The following RFC3 variants were observed in gnomAD, a reference collection of about 807,000 sequenced individuals.
RFC3 encodes A1 38 kDa subunit.
A neutral mutation model predicts 45.1 loss-of-function variants in RFC3; 41 were observed. The observed-to-expected ratio is 0.91, with a 90% CI of 0.71 to 1.18. The LOEUF is 1.18. Ranked by LOEUF, RFC3 falls within the 50% of genes most tolerant of loss-of-function variation. The probability of loss-of-function intolerance (pLI) is 0.00; values close to 1 mark genes in which losing one functional copy is unlikely to be tolerated. For missense variants in RFC3, 423 were observed against 428.1 expected (o/e 0.99, Z 0.10); for synonymous variants, 149 against 144.0 (o/e 1.03, Z -0.25).
At chr13:33,882,999 C>T (rs1026865796) in intron 8 of RFC3, among the ~76,000 whole-genome samples, 1 of 152,190 alleles carries the variant, frequency 6.6e-6, no homozygotes, top group Non-Finnish European at 1.5e-5. Flanking sequence ...AGTTTGTTTA[C>T]ACATTCATGC....
chr13:33,928,317 T>G (rs2082828843), intron 8 of RFC3, among the ~76,000 whole-genome samples: 1 of 152,040 alleles, frequency 6.6e-6, no homozygotes, highest in Admixed American at 6.6e-5. Context: ...GGACATACAC[T>G]TATGTATTTA....
chr13:33,960,104 C>A (rs1487830700), intron 8 of RFC3, among the ~76,000 whole-genome samples: 3 of 152,036 alleles, frequency 2.0e-5, no homozygotes, highest in African/African-American at 7.3e-5. Flanking sequence ...GAGAAATCCA[C>A]CCCCATGATC....
chr13:33,970,718 G>A (rs1194353398), downstream of RFC3, among the ~76,000 whole-genome samples: 1 of 152,194 alleles, frequency 6.6e-6, no homozygotes, highest in Non-Finnish European at 1.5e-5. Flanking sequence ...GGGAACTCTG[G>A]GAAGCAACAC....
At chr13:33,916,223 C>T (rs1351109824) in intron 8 of RFC3, among the ~76,000 whole-genome samples, 1 of 152,170 alleles carries the variant, frequency 6.6e-6, no homozygotes. Flanking sequence ...TAGTGCACAT[C>T]TGAACTTTGG....
chr13:33,860,421 T>C (rs1232130935), intron 8 of RFC3, among the ~76,000 whole-genome samples: 2 of 152,094 alleles, frequency 1.3e-5, no homozygotes, highest in Non-Finnish European at 2.9e-5. Context: ...TACCTTTGAG[T>C]GCTCCAGATG....
downstream of RFC3, among the ~76,000 whole-genome samples, chr13:33,968,888 G>A (rs1327921360): frequency 6.6e-6 from 1 of 152,144 alleles, no homozygotes; most frequent in African/African-American, 2.4e-5. Context: ...CAAATTGACC[G>A]CATGGCAGCT....
At chr13:33,939,254 C>G (rs1305114264) in intron 8 of RFC3, among the ~76,000 whole-genome samples, 2 of 152,116 alleles carry the variant, frequency 1.3e-5, no homozygotes, top group Non-Finnish European at 2.9e-5. Context: ...CCACCTGAGT[C>G]TGTGCTAATG....
chr13:33,862,633 T>C (rs1033753152), intron 8 of RFC3, among the ~76,000 whole-genome samples: 1 of 152,202 alleles, frequency 6.6e-6, no homozygotes, highest in Non-Finnish European at 1.5e-5. Context: ...AAATATAATA[T>C]GTATGTATTA....
chr13:33,939,394 C>T (rs758756802), intron 8 of RFC3, among the ~76,000 whole-genome samples: 21 of 151,998 alleles, frequency 1.4e-4, no homozygotes, highest in South Asian at 2.1e-4. Flanking sequence ...GACAGTGAGG[C>T]TCAGAGAGCT....
chr13:33,912,455 T>C (rs1389248036), intron 8 of RFC3, among the ~76,000 whole-genome samples: 2 of 152,074 alleles, frequency 1.3e-5, no homozygotes, highest in African/African-American at 4.8e-5. Flanking sequence ...AGCATTGAGC[T>C]TTGAAATAGA....
intron 8 of RFC3, among the ~76,000 whole-genome samples, chr13:33,921,482 C>T (rs998272099): frequency 3.3e-5 from 5 of 152,152 alleles, no homozygotes; most frequent in Admixed American, 2.0e-4. Context: ...TGTGCCTACA[C>T]GTTCCTAGGG....
chr13:33,916,316 A>G (rs1342469318), intron 8 of RFC3, among the ~76,000 whole-genome samples: 1 of 152,188 alleles, frequency 6.6e-6, no homozygotes, highest in Admixed American at 6.5e-5. Flanking sequence ...GAAAAAGATT[A>G]TTTGAAAATC....
intron 8 of RFC3, among the ~76,000 whole-genome samples, chr13:33,913,247 C>G (rs1190035485): frequency 6.6e-6 from 1 of 152,080 alleles, no homozygotes; most frequent in Admixed American, 6.6e-5. Flanking sequence ...TTTCTCAGCA[C>G]TCAAAGCAGT....
Position 33,908,607 on chromosome 13 carries a change from T to TACACACACAC in RFC3, c.880-57447_880-57438dup, listed in dbSNP as rs71074991. Reference sequence around the variant, plus strand: ...CCAGAGAAAAAGAACACACAGGAGATACACACACACACACACACACACACA... The same window carrying TACACACACAC: ...CCAGAGAAAAAGAACACACAGGAGATACACACACACACACACACACACACACACACACACA... On this transcript the variant is annotated intron_variant, in intron 8 of 8. Coordinates refer to the RFC3 transcript ENST00000434425. 2.8e-5 allele frequency among the ~76,000 whole-genome samples: 4 copies of TACACACACAC among 142,702 alleles called. No homozygotes were observed. The East Asian group carries it at 6.3e-4, about 23-fold the overall frequency. The allele number at this position is 142,702 out of a possible 152,430, so 93.6% of individuals were successfully genotyped here. A position where few individuals can be genotyped will look rare whatever the true frequency, so the allele number is the denominator to read the frequency against.
chr13:33,911,199 G>A (rs186710418), intron 8 of RFC3, among the ~76,000 whole-genome samples: 2 of 152,102 alleles, frequency 1.3e-5, no homozygotes, highest in East Asian at 3.9e-4. Context: ...AGGCCCAGCT[G>A]CCTCTGTTGA....
At chr13:33,844,613 A>T (rs1372523995) in intron 8 of RFC3, among the ~76,000 whole-genome samples, 1 of 152,202 alleles carries the variant, frequency 6.6e-6, no homozygotes, top group Non-Finnish European at 1.5e-5. Flanking sequence ...TTTTAAACTG[A>T]TGACAATTTA....
chr13:33,820,374 T>C (rs1318681264), intron 1 of RFC3, among the ~76,000 whole-genome samples: 1 of 152,328 alleles, frequency 6.6e-6, no homozygotes. Context: ...CTCTTTCTTT[T>C]CCCCCATCCA....
the RFC3 span, among the ~76,000 whole-genome samples, chr13:33,974,907 GC>G: frequency 6.6e-6 from 1 of 152,068 alleles, no homozygotes; most frequent in African/African-American, 2.4e-5. Flanking sequence ...CTAACTGATG[GC>G]AATGATGTGG....
At chr13:33,967,182 AAAAG>A (rs1240210335), downstream of RFC3, among the ~76,000 whole-genome samples, 2 of 152,094 alleles carry the variant, frequency 1.3e-5, no homozygotes, top group African/African-American at 4.8e-5. Context: ...AAAATTTAAA[AAAAG>A]GGAAAACATT....
Sources: gnomAD v4.1 joint callset for allele counts (sites outside exome capture counted in the v4.1 genomes callset) on GRCh38, gnomAD v4.1.1 for gene constraint, MANE v1.5 for transcripts, NCBI Gene and HGNC (gene_info 2026-07-23, HGNC 2026-07-21) for gene names.